The following RBFOX1 variants were observed in gnomAD, a reference collection of about 807,000 sequenced individuals.
RBFOX1 encodes RNA binding protein fox-1 homolog 1.
In RBFOX1, 8 loss-of-function variants were observed where a neutral mutation model predicts 57.7. The ratio of observed to expected loss-of-function variants is 0.14; its 90% confidence interval spans 0.08 to 0.25. The LOEUF (loss-of-function observed/expected upper bound fraction) is 0.25. Among genes scored for constraint, RBFOX1 ranks in the 10% least tolerant of loss-of-function variants. The pLI, the probability that RBFOX1 is intolerant of heterozygous loss-of-function variation, is 1.00. For missense variants in RBFOX1, 611 were observed against 548.5 expected (o/e 1.11, Z -1.14); for synonymous variants, 326 against 222.4 (o/e 1.47, Z -4.15).
At position 6,019,784 on chromosome 16, in the gene RBFOX1, C is replaced by G. The variant is rs1037582930; in HGVS notation, c.-335C>G. 1.4e-6 allele frequency: 2 copies of G among 1,452,306 alleles called. No individual in the cohort carries two copies. Among genetic ancestry groups the G allele is most frequent in the African/African-American group, 2.9e-5 (2 of 69,934 alleles). The allele number at this position is 1,452,306 out of a possible 1,614,324, so 90.0% of individuals were successfully genotyped here. A position where few individuals can be genotyped will look rare whatever the true frequency, so the allele number is the denominator to read the frequency against. On this transcript the variant is annotated 5_prime_UTR_variant, in exon 1 of 16. Coordinates refer to ENST00000550418, the MANE Select transcript of RBFOX1 (RefSeq NM_018723.4). The surrounding 1 kb of genome is among the most constrained non-coding windows in gnomAD (Gnocchi z 4.2). The stretch of plus-strand genomic sequence containing the variant: ...CCCACCCAGTGGCCGCCAGGGTCCC[C>G]GCCTGTCCGGACCCTCGCCGCGCCC...
chr16:6,108,911 A>T (rs2096412917), intron 1 of RBFOX1, among the ~76,000 whole-genome samples: 1 of 152,150 alleles, frequency 6.6e-6, no homozygotes, highest in South Asian at 2.1e-4. Flanking sequence ...CACCTAGATA[A>T]TCCAGAATAA....
chr16:7,211,065 A>G (rs1761652391), intron 4 of RBFOX1, among the ~76,000 whole-genome samples: 2 of 141,806 alleles, frequency 1.4e-5, no homozygotes, highest in African/African-American at 5.6e-5. Context: ...ATTATGTTGT[A>G]TACCTTAGAT....
chr16:6,838,165 C>G (rs574132622), intron 3 of RBFOX1, among the ~76,000 whole-genome samples: 70 of 152,080 alleles, frequency 4.6e-4, no homozygotes, highest in African/African-American at 1.6e-3. Context: ...TGTCCTAATG[C>G]TCTACCTCCC....
chr16:6,949,158 C>T (rs114781528), intron 3 of RBFOX1, among the ~76,000 whole-genome samples: 1 of 152,012 alleles, frequency 6.6e-6, no homozygotes, highest in Admixed American at 6.6e-5. Flanking sequence ...TGCCTTCCCC[C>T]ACCCCCCTGA....
At chr16:7,182,383 A>T (rs1170958311) in intron 4 of RBFOX1, among the ~76,000 whole-genome samples, 1 of 152,324 alleles carries the variant, frequency 6.6e-6, no homozygotes, top group South Asian at 2.1e-4. Flanking sequence ...TCTTCATGAA[A>T]TGTCCTCACA....
chr16:6,438,868 G>A (rs1191267209), intron 2 of RBFOX1, among the ~76,000 whole-genome samples: 1 of 152,186 alleles, frequency 6.6e-6, no homozygotes, highest in East Asian at 1.9e-4. Flanking sequence ...CATTGTGCAT[G>A]GTACTTTGTT....
At chr16:7,368,191 C>A (rs573536079) in intron 4 of RBFOX1, among the ~76,000 whole-genome samples, 6 of 149,644 alleles carry the variant, frequency 4.0e-5, no homozygotes, top group African/African-American at 1.5e-4. Flanking sequence ...CGCTTGAACC[C>A]GGGAGGTGGA....
rs3030308 is a variant in RBFOX1 at position 7,507,565 on chromosome 16, C to CT, written c.28-10566dup. Among the ~76,000 whole-genome samples the CT allele has an allele frequency of 4.5e-3, 593 of 132,528 alleles. 6 individuals carry two copies. Among genetic ancestry groups the CT allele is most frequent in the African/African-American group, 0.014 (478 of 34,996 alleles). The allele number at this position is 132,528 out of a possible 152,430, so 86.9% of individuals were successfully genotyped here. A position where few individuals can be genotyped will look rare whatever the true frequency, so the allele number is the denominator to read the frequency against. On this transcript the variant is annotated intron_variant, in intron 4 of 15. Transcript: ENST00000550418. ...AACGTGATTTTTTTTTTCTTTCTTT[C>CT]TTTTTTTTTTTTTTTTGAGACGGAG... is the stretch of plus-strand genomic sequence containing the variant.
intron 2 of RBFOX1, among the ~76,000 whole-genome samples, chr16:6,332,650 G>A (rs1055088570): frequency 6.6e-6 from 1 of 152,106 alleles, no homozygotes; most frequent in Non-Finnish European, 1.5e-5. Context: ...TCTGGTCAAG[G>A]CTTGTGAGGC....
intron 1 of RBFOX1, among the ~76,000 whole-genome samples, chr16:5,265,027 T>C (rs1436031347): frequency 5.9e-5 from 9 of 151,998 alleles, no homozygotes; most frequent in Non-Finnish European, 1.0e-4. Flanking sequence ...TGTGTAAAAC[T>C]GGTAGTTTAA....
chr16:6,228,385 C>T (rs114209372), intron 1 of RBFOX1, among the ~76,000 whole-genome samples: 3,142 of 150,556 alleles, frequency 0.021, 119 homozygotes, highest in African/African-American at 0.073. Context: ...CTAAGTGTCC[C>T]TGAACAGATG....
chr16:5,666,294 T>G (rs1033562460), intron 3 of RBFOX1, among the ~76,000 whole-genome samples: 4 of 152,212 alleles, frequency 2.6e-5, no homozygotes, highest in Non-Finnish European at 5.9e-5. Context: ...TTCTGTGACC[T>G]TCTTCTTTTC....
chr16:7,526,507 C>T (rs1446244391), intron 5 of RBFOX1, among the ~76,000 whole-genome samples: 1 of 152,142 alleles, frequency 6.6e-6, no homozygotes, highest in Non-Finnish European at 1.5e-5. Context: ...CTCCAGATCT[C>T]CTCCCTTTTT....
chr16:6,101,565 C>G (rs1197585765), intron 1 of RBFOX1, among the ~76,000 whole-genome samples: 5 of 152,104 alleles, frequency 3.3e-5, no homozygotes. Context: ...TGGCACACTG[C>G]AACCTCCACC....
chr16:6,192,707 T>C (rs1356833045), intron 1 of RBFOX1, among the ~76,000 whole-genome samples: 1 of 152,164 alleles, frequency 6.6e-6, no homozygotes, highest in African/African-American at 2.4e-5. Flanking sequence ...TGGTTATCTA[T>C]AAATCAGCAA....
At chr16:7,096,765 C>G (rs1344059879) in intron 4 of RBFOX1, among the ~76,000 whole-genome samples, 4 of 151,812 alleles carry the variant, frequency 2.6e-5, no homozygotes, top group Non-Finnish European at 4.4e-5. Context: ...AAATCTATCT[C>G]TAGTAAAAAT....
At chr16:7,428,116 A>T (rs1470408491) in intron 4 of RBFOX1, among the ~76,000 whole-genome samples, 1 of 152,016 alleles carries the variant, frequency 6.6e-6, no homozygotes, top group African/African-American at 2.4e-5. Context: ...TTTCCTCCAA[A>T]TCTGAACTCC....
rs1261456076 is a variant in RBFOX1, at chr16:7,299,304, A to G, written c.28-218843A>G. On this transcript the variant is annotated intron_variant, in intron 4 of 15. Transcript: ENST00000550418. Reference sequence around the variant, plus strand: ...GGCCGTAAACTGTTCTAAACCACCAATGTAACTTTGAAAAGCTCATTTGTA... The same window carrying G: ...GGCCGTAAACTGTTCTAAACCACCAGTGTAACTTTGAAAAGCTCATTTGTA... Among the ~76,000 whole-genome samples, 10 of 152,320 alleles carry G rather than the reference A, an allele frequency of 6.6e-5. No individual in the cohort carries two copies. In the East Asian group the frequency reaches 1.7e-3, roughly 26 times the overall value.
At chr16:5,693,070 G>C (rs1655460301) in intron 3 of RBFOX1, among the ~76,000 whole-genome samples, 2 of 152,188 alleles carry the variant, frequency 1.3e-5, no homozygotes, top group South Asian at 4.1e-4. Flanking sequence ...TTCCCGAGAA[G>C]GCAGTATTCT....
Sources: gnomAD v4.1 joint callset for allele counts (sites outside exome capture counted in the v4.1 genomes callset) on GRCh38, gnomAD v4.1.1 for gene constraint, Gnocchi (gnomAD v3.1) non-coding constraint, MANE v1.5 for transcripts, NCBI Gene and HGNC (gene_info 2026-07-23, HGNC 2026-07-21) for gene names.